SLC51A: variants seen among roughly 807,000 people sequenced by gnomAD.
The protein encoded by SLC51A is solute carrier family 51 member A.
A neutral mutation model predicts 34.8 loss-of-function variants in SLC51A; 22 were observed. The observed-to-expected ratio is 0.63, with a 90% CI of 0.45 to 0.90. SLC51A has a LOEUF of 0.90. SLC51A is among the 40% of genes least tolerant of loss of function. SLC51A has a pLI of 0.00. For missense variants in SLC51A, 371 were observed against 414.8 expected, an observed-to-expected ratio of 0.89 and a Z score of 0.92; for synonymous variants, 181 against 176.3, an observed-to-expected ratio of 1.03 and a Z score of -0.21.
intron 3 of SLC51A, 189 bp downstream of exon 3, chr3:196,227,308 C>T: frequency 1.6e-6 from 1 of 632,872 alleles, no homozygotes; most frequent in South Asian, 2.0e-5. Context: ...GCAGTGTTTG[C>T]ATTCTAAGGG....
chr3:196,229,689 T>TAAAAAAAAAAAAA (rs77390915), intron 6 of SLC51A, among the ~76,000 whole-genome samples: 15 of 135,590 alleles, frequency 1.1e-4, no homozygotes, highest in East Asian at 2.5e-4. Flanking sequence ...TCTCTATTAT[T>TAAAAAAAAAAAAA]AAAAAAAAAA....
At chr3:196,227,762 T>TC in intron 4 of SLC51A, 25 bp downstream of exon 4, 1 of 1,599,390 alleles carries the variant, frequency 6.3e-7, no homozygotes, top group South Asian at 1.1e-5. Flanking sequence ...TCGCCCCACC[T>TC]CCAAGGGCCC....
At chr3:196,230,117 G>A in intron 7 of SLC51A, 56 bp downstream of exon 7, 1 of 1,485,456 alleles carries the variant, frequency 6.7e-7, no homozygotes, top group Non-Finnish European at 9.0e-7. Context: ...AGATAGTTGG[G>A]GTTAGTAAGT....
At chr3:196,231,475 A>G (rs541717085) in intron 7 of SLC51A, among the ~76,000 whole-genome samples, 1 of 152,360 alleles carries the variant, frequency 6.6e-6, no homozygotes, top group South Asian at 2.1e-4. Context: ...ACAGTTTAAC[A>G]GAGTGAGTTC....
chr3:196,226,029 T>C (rs7625886), intron 2 of SLC51A, among the ~76,000 whole-genome samples: 96,087 of 152,058 alleles, frequency 0.63, 30,722 homozygotes, highest in East Asian at 0.88. Flanking sequence ...GTTGAAGTTC[T>C]CCCCTGGCCG....
intron 2 of SLC51A, chr3:196,226,663 A>T (rs4916441): frequency 0.37 from 70,639 of 191,910 alleles, 14,696 homozygotes; most frequent in East Asian, 0.87. Context: ...AATCCCAGCT[A>T]CTTGGGAGGC....
At chr3:196,224,712 ATGGGAGGGG>A (rs1560153186) in intron 2 of SLC51A, among the ~76,000 whole-genome samples, 2 of 52,332 alleles carry the variant, frequency 3.8e-5, no homozygotes, top group East Asian at 3.2e-3. Flanking sequence ...GGGGGAGGAG[ATGGGAGGGG>A]AGGAGAGGGG....
chr3:196,221,311 A>ATT (rs79735063), intron 2 of SLC51A, among the ~76,000 whole-genome samples: 1 of 146,674 alleles, frequency 6.8e-6, no homozygotes, highest in African/African-American at 2.5e-5. Context: ...GATTGAATCA[A>ATT]TTTTTTTTTT....
Position 196,228,025 on chromosome 3 carries a change from C to T in SLC51A, c.363-90C>T, listed in dbSNP as rs1723940193. 6.5e-7 allele frequency: 1 copy of T among 1,538,158 alleles called. No individual in the cohort carries two copies. The highest frequency in any genetic ancestry group is 1.2e-5 in the South Asian group (1 of 80,724). On this transcript the variant is annotated intron_variant, in intron 4 of 8. Coordinates refer to ENST00000296327, the MANE Select transcript of SLC51A (RefSeq NM_152672.6). The surrounding 1 kb of genome is among the most constrained non-coding windows in gnomAD (Gnocchi z 4.9). ...GGTCACACACCCAGAACGCCCAGCC[C>T]TAGCTCTGCTCCTCAGTAAGCCCCA...
intron 2 of SLC51A, among the ~76,000 whole-genome samples, 166 bp from the exon 3 acceptor site, chr3:196,226,799 A>G (rs1302922283): frequency 6.6e-6 from 1 of 151,540 alleles, no homozygotes; most frequent in Non-Finnish European, 1.5e-5. Flanking sequence ...AGAAAAAGAA[A>G]AAAAAAAGAC....
At chr3:196,232,393 C>G (rs774561237) in intron 7 of SLC51A, 26 bp from the exon 8 acceptor site, 2 of 1,589,334 alleles carry the variant, frequency 1.3e-6, no homozygotes, top group Non-Finnish European at 1.7e-6. Flanking sequence ...CCCAGTCCAC[C>G]CTTGCCTCTC....
intron 8 of SLC51A, 88 bp downstream of exon 8, chr3:196,232,612 C>A: frequency 1.0e-6 from 1 of 960,256 alleles, no homozygotes; most frequent in Non-Finnish European, 1.7e-6. Flanking sequence ...GACATTAGGC[C>A]AGCCTGACTT....
intron 2 of SLC51A, among the ~76,000 whole-genome samples, chr3:196,218,208 C>T (rs2108752007): frequency 6.6e-6 from 1 of 152,362 alleles, no homozygotes; most frequent in East Asian, 1.9e-4. Context: ...ACTGCGGACA[C>T]TGCGACCTGG....
intron 2 of SLC51A, 87 bp downstream of exon 2, chr3:196,218,023 T>G: frequency 8.1e-7 from 1 of 1,232,890 alleles, no homozygotes; most frequent in Non-Finnish European, 1.2e-6. Flanking sequence ...CCTGAGCTGG[T>G]GCACCTGGGC....
intron 2 of SLC51A, 27 bp from the exon 3 acceptor site, chr3:196,226,938 T>G (rs1379919493): frequency 6.3e-7 from 1 of 1,594,762 alleles, no homozygotes; most frequent in African/African-American, 1.3e-5. Context: ...GTCCCGGTCG[T>G]CAGCTCTCTG....
chr3:196,216,906 C>T lies in SLC51A; in HGVS notation c.38+156C>T, dbSNP rs1005807110. Among the ~76,000 whole-genome samples the T allele has an allele frequency of 2.0e-5, 3 of 151,708 alleles. No individual in the cohort carries two copies. Among genetic ancestry groups the T allele is most frequent in the Non-Finnish European group, 2.9e-5 (2 of 68,022 alleles). ...GCTGTTCCTAGGTCCTCAGGGACAA[C>T]GTGGGTTTGGGCCAGGGTGTGACAC... On this transcript the variant is annotated intron_variant, in intron 1 of 8. Transcript: ENST00000296327. The surrounding 1 kb of genome is among the most constrained non-coding windows in gnomAD (Gnocchi z 4.5).
Position 196,228,589 on chromosome 3 carries a change from C to G in SLC51A, c.522-220C>G, listed in dbSNP as rs1279126214. On this transcript the variant is annotated intron_variant, in intron 5 of 8. Transcript: ENST00000296327. This position sits in a 1 kb window ranked among gnomAD's most constrained non-coding sequence, Gnocchi z 4.9. ...AGGTTGAGGTCACACTCCCAGACCT[C>G]GCTCCAAAGACGGAATTCTTGTCTG... The G allele has an allele frequency of 9.9e-6, 6 of 607,868 alleles. No individual in the cohort carries two copies. The African/African-American group carries it at 1.1e-4, about 11-fold the overall frequency. The allele number at this position is 607,868 out of a possible 1,614,324, so 37.7% of individuals were successfully genotyped here.
At chr3:196,222,220 G>T (rs146021046) in intron 2 of SLC51A, among the ~76,000 whole-genome samples, 1,614 of 152,222 alleles carry the variant, frequency 0.011, 26 homozygotes, top group African/African-American at 0.036. Flanking sequence ...AGAGACAGTG[G>T]GAAATTTAAT....
chr3:196,219,567 C>T (rs915086699), intron 2 of SLC51A, among the ~76,000 whole-genome samples: 1 of 152,336 alleles, frequency 6.6e-6, no homozygotes, highest in Non-Finnish European at 1.5e-5. Context: ...TGCCAGTGTC[C>T]GGAGATGCCT....
Sources: allele counts gnomAD v4.1 joint callset (sites outside exome capture counted in the v4.1 genomes callset), GRCh38; gene constraint gnomAD v4.1.1; non-coding constraint Gnocchi (gnomAD v3.1); transcripts MANE v1.5; gene names NCBI Gene and HGNC (gene_info 2026-07-23, HGNC 2026-07-21).